The following NRF1 variants were observed in gnomAD, a reference collection of about 807,000 sequenced individuals.
NRF1 encodes the protein alpha palindromic-binding protein.
A neutral mutation model predicts 58.5 loss-of-function variants in NRF1; 5 were observed. The ratio of observed to expected loss-of-function variants is 0.09; its 90% CI spans 0.04 to 0.18. NRF1 has a LOEUF of 0.18. Among genes scored for constraint, NRF1 ranks in the 10% least tolerant of loss-of-function variants. NRF1 has a pLI of 1.00. For missense variants in NRF1, 288 were observed against 657.7 expected, an observed-to-expected ratio of 0.44 and a Z score of 6.15; for synonymous variants, 224 against 246.7, an observed-to-expected ratio of 0.91 and a Z score of 0.86.
chr7:129,669,136 G>A (rs920249889), intron 2 of NRF1, among the ~76,000 whole-genome samples: 5 of 152,168 alleles, frequency 3.3e-5, no homozygotes, highest in Middle Eastern at 3.4e-3. Flanking sequence ...TAGTAGAGAT[G>A]GGGTTTCACC....
At chr7:129,626,522 G>A (rs1800923104) in intron 1 of NRF1, among the ~76,000 whole-genome samples, 1 of 152,142 alleles carries the variant, frequency 6.6e-6, no homozygotes, top group South Asian at 2.1e-4. Context: ...TTGGATGCAA[G>A]GGCACCCTCT....
chr7:129,729,025 G>A (rs1803517629), intron 10 of NRF1, among the ~76,000 whole-genome samples: 1 of 152,190 alleles, frequency 6.6e-6, no homozygotes, highest in South Asian at 2.1e-4. Flanking sequence ...GGCACCCTGA[G>A]CAAAGGGTAG....
At chr7:129,661,471 C>T (rs1456669015) in intron 2 of NRF1, among the ~76,000 whole-genome samples, 3 of 151,002 alleles carry the variant, frequency 2.0e-5, no homozygotes. Context: ...CTCTTGAATG[C>T]TTTGCTGCTT....
chr7:129,735,088 G>A, intron 10 of NRF1: 1 of 985,418 alleles, frequency 1.0e-6, no homozygotes, highest in Non-Finnish European at 1.2e-6. Flanking sequence ...GCCCTTGCTT[G>A]GGGTCCCCCA....
intron 9 of NRF1, among the ~76,000 whole-genome samples, chr7:129,723,443 CA>C (rs1279913396): frequency 0.029 from 3,544 of 122,872 alleles, 46 homozygotes; most frequent in East Asian, 0.075. Flanking sequence ...AACTCTATCT[CA>C]AAAAAAAAAA....
Position 129,735,471 on chromosome 7 carries a change from G to A in NRF1, c.1348+8106G>A, listed in dbSNP as rs557208293. Among the ~76,000 whole-genome samples, 559 of 151,384 alleles carry A rather than the reference G, an allele frequency of 3.7e-3. 2 individuals are homozygous for A. Among genetic ancestry groups the A allele is most frequent in the Admixed American group, 6.2e-3 (95 of 15,216 alleles). Reference sequence around the variant, plus strand: ...CTTGAACCCGGGAGGCAGAGGTTGCGGTGAGCCAAGATTGTGCCACTGCAC... The same window carrying A: ...CTTGAACCCGGGAGGCAGAGGTTGCAGTGAGCCAAGATTGTGCCACTGCAC... On this transcript the variant is annotated intron_variant, in intron 10 of 10. Transcript: ENST00000393232.
At chr7:129,711,630 G>C in intron 8 of NRF1, 54 bp downstream of exon 8, 1 of 1,407,186 alleles carries the variant, frequency 7.1e-7, no homozygotes, top group Non-Finnish European at 9.9e-7. Context: ...TATAATGAGG[G>C]AAAAGCAAGG....
intron 10 of NRF1, among the ~76,000 whole-genome samples, chr7:129,738,499 G>A (rs1249003956): frequency 4.6e-5 from 7 of 152,168 alleles, no homozygotes; most frequent in African/African-American, 1.7e-4. Context: ...AAGATGAATC[G>A]TTTTCATTCT....
chr7:129,613,403 C>T (rs1437592259), intron 1 of NRF1, among the ~76,000 whole-genome samples: 5 of 152,092 alleles, frequency 3.3e-5, no homozygotes, highest in Admixed American at 6.6e-5. Context: ...TAGTTCTCTC[C>T]GTGCATCTGA....
chr7:129,717,481 A>C (rs1417671947), intron 9 of NRF1, 105 bp downstream of exon 9: 1 of 1,277,568 alleles, frequency 7.8e-7, no homozygotes, highest in African/African-American at 1.5e-5. Context: ...CACAGTTGGC[A>C]GTTGGAACTT....
intron 10 of NRF1, among the ~76,000 whole-genome samples, chr7:129,730,340 T>A (rs1803552226): frequency 6.6e-6 from 1 of 152,186 alleles, no homozygotes; most frequent in South Asian, 2.1e-4. Context: ...CAAGTTTTTT[T>A]AATCAGAAAG....
chr7:129,689,655 A>G (rs1233130278), intron 4 of NRF1, among the ~76,000 whole-genome samples: 2 of 152,172 alleles, frequency 1.3e-5, no homozygotes, highest in African/African-American at 2.4e-5. Context: ...TGTTACTGTT[A>G]AGTTGAGACA....
At chr7:129,666,467 C>T (rs1801925049) in intron 2 of NRF1, among the ~76,000 whole-genome samples, 1 of 152,144 alleles carries the variant, frequency 6.6e-6, no homozygotes, top group Admixed American at 6.5e-5. Flanking sequence ...GAGATTCACC[C>T]ATGTTGATAA....
chr7:129,727,138 G>A, intron 9 of NRF1, 103 bp from the exon 10 acceptor site: 1 of 1,224,036 alleles, frequency 8.2e-7, no homozygotes, highest in South Asian at 1.8e-5. Context: ...CACAACCATG[G>A]AGTCAGTAGA....
intron 1 of NRF1, among the ~76,000 whole-genome samples, chr7:129,655,338 A>T (rs920271343): frequency 2.6e-5 from 4 of 152,114 alleles, no homozygotes; most frequent in Admixed American, 6.6e-5. Flanking sequence ...AGTTTTTTTT[A>T]TTGATTATTT....
intron 10 of NRF1, among the ~76,000 whole-genome samples, chr7:129,736,229 T>C (rs962593938): frequency 1.3e-5 from 2 of 152,062 alleles, no homozygotes; most frequent in African/African-American, 4.8e-5. Context: ...TTTTAAAATA[T>C]GTATGTTTTC....
chr7:129,676,083 T>G (rs971004089), intron 3 of NRF1, among the ~76,000 whole-genome samples: 1 of 152,268 alleles, frequency 6.6e-6, no homozygotes, highest in African/African-American at 2.4e-5. Context: ...TTGAACCTCA[T>G]GAACCAACCT....
chr7:129,675,481 T>C (rs1802155637), intron 3 of NRF1, among the ~76,000 whole-genome samples: 1 of 152,258 alleles, frequency 6.6e-6, no homozygotes, highest in African/African-American at 2.4e-5. Flanking sequence ...ATAGCAGCTA[T>C]ATCCTTTCAA....
intron 1 of NRF1, among the ~76,000 whole-genome samples, chr7:129,634,057 T>TACAC (rs1394350250): frequency 2.1e-4 from 24 of 114,464 alleles, no homozygotes; most frequent in African/African-American, 7.2e-4. Context: ...TATATATATA[T>TACAC]ATATACACAC....
Sources: gnomAD v4.1 joint callset for allele counts (sites outside exome capture counted in the v4.1 genomes callset) on GRCh38, gnomAD v4.1.1 for gene constraint, MANE v1.5 for transcripts, NCBI Gene and HGNC (gene_info 2026-07-23, HGNC 2026-07-21) for gene names.